The following CACNA1A variants were observed in gnomAD, a reference collection of about 807,000 sequenced individuals.
The protein encoded by CACNA1A is voltage-dependent P/Q-type calcium channel subunit alpha-1A.
Under a neutral mutation model 262.4 loss-of-function variants are expected in CACNA1A, and 57 were observed. That is an observed-to-expected ratio of 0.22 (90% confidence interval 0.18 to 0.27). The LOEUF (loss-of-function observed/expected upper bound fraction) is 0.27, where lower values mean the gene tolerates loss of function less well. CACNA1A is among the 10% of genes least tolerant of loss of function. CACNA1A has a pLI of 1.00. For missense variants in CACNA1A, 2,526 were observed against 3,562.8 expected (o/e 0.71, Z 7.41); for synonymous variants, 1,431 against 1,419.3 (o/e 1.01, Z -0.18).
intron 30 of CACNA1A, among the ~76,000 whole-genome samples, chr19:13,246,408 G>A (rs1329957167): frequency 6.6e-6 from 1 of 152,152 alleles, no homozygotes; most frequent in African/African-American, 2.4e-5. Flanking sequence ...TGGGCTTGGC[G>A]ACCAGTAACA....
At chr19:13,436,106 T>C (rs1439221923) in intron 3 of CACNA1A, among the ~76,000 whole-genome samples, 1 of 152,194 alleles carries the variant, frequency 6.6e-6, no homozygotes, top group Non-Finnish European at 1.5e-5. Context: ...ATTACAGGTG[T>C]GAGCCACCGT....
In CACNA1A at chr19:13,207,522, G is replaced by A. The variant is rs1301033376; in HGVS notation, c.7312C>T (p.Pro2438Ser). 2.1e-6 allele frequency: 3 copies of A among 1,436,484 alleles called. No homozygotes were observed. Among genetic ancestry groups the A allele is most frequent in the Non-Finnish European group, 2.7e-6 (3 of 1,097,058 alleles). The allele number at this position is 1,436,484 out of a possible 1,614,324, so 89.0% of individuals were successfully genotyped here. Residue 2438 changes from proline to serine, a missense_variant, in exon 47 of 47, where the codon CCC becomes TCC. Physicochemically the swap from Pro to Ser is moderately conservative, Grantham distance 74. Around this residue, in one of 17 missense-constraint regions of CACNA1A, gnomAD observed 929 missense variants for 868.1 expected, o/e 1.07. Coordinates refer to ENST00000360228, the MANE Select transcript of CACNA1A (RefSeq NM_001127222.2). This position sits in a 1 kb window ranked among gnomAD's most constrained non-coding sequence, Gnocchi z 5.7. ...EAMAGAYDAPPPVRHASSGAT... is the reference protein window; with the variant it reads ...EAMAGAYDAPSPVRHASSGAT... Reference sequence around the variant, plus strand: ...CCCGAGGACGCGTGTCGTACGGGGGGTGGCGCGTCGTAGGCCCCGGCCATG... The same window carrying A: ...CCCGAGGACGCGTGTCGTACGGGGGATGGCGCGTCGTAGGCCCCGGCCATG...
chr19:13,315,020 C>T (rs2058098063), intron 11 of CACNA1A, among the ~76,000 whole-genome samples: 1 of 152,012 alleles, frequency 6.6e-6, no homozygotes, highest in South Asian at 2.1e-4. Flanking sequence ...ATGCACAAGA[C>T]TTGAAAGAAT....
chr19:13,216,080 G>A (rs1368235005), intron 38 of CACNA1A, among the ~76,000 whole-genome samples: 1 of 152,080 alleles, frequency 6.6e-6, no homozygotes, highest in Non-Finnish European at 1.5e-5. Flanking sequence ...CACTGTGCGT[G>A]GCTCAGAGGA....
At chr19:13,257,185 C>G (rs905035465) in intron 28 of CACNA1A, 165 bp downstream of exon 28, 16 of 598,428 alleles carry the variant, frequency 2.7e-5, no homozygotes, top group Non-Finnish European at 4.5e-5. Context: ...TGTGTTTCCT[C>G]TGGAAACTCC....
chr19:13,303,920 C>T (rs202110625), intron 15 of CACNA1A, 36 bp from the exon 16 acceptor site: 2 of 1,440,312 alleles, frequency 1.4e-6, no homozygotes, highest in Non-Finnish European at 1.9e-6. Context: ...GCCAACCCCC[C>T]TCTCAGCCAC....
At chr19:13,299,770 C>T (rs915340539) in intron 18 of CACNA1A, among the ~76,000 whole-genome samples, 2 of 152,194 alleles carry the variant, frequency 1.3e-5, no homozygotes, top group African/African-American at 2.4e-5. Flanking sequence ...TCCCTCACCT[C>T]CTTCAGGCCA....
chr19:13,303,912 C>T, intron 15 of CACNA1A, 28 bp from the exon 16 acceptor site: 2 of 1,496,704 alleles, frequency 1.3e-6, no homozygotes, highest in Non-Finnish European at 1.9e-6. Context: ...AACACACAGC[C>T]AACCCCCCTC....
At chr19:13,224,944 C>T (rs924879092) in intron 37 of CACNA1A, 172 bp from the exon 38 acceptor site, 21 of 556,366 alleles carry the variant, frequency 3.8e-5, no homozygotes, top group Non-Finnish European at 6.1e-5. Context: ...CTTGGTGGCC[C>T]GCAGGGAGGG....
Position 13,287,706 on chromosome 19 carries a change from T to C in CACNA1A, c.3090-740A>G, listed in dbSNP as rs2057436581. Among the ~76,000 whole-genome samples, 4 of 152,020 alleles carry C rather than the reference T, an allele frequency of 2.6e-5. 1 individual carries two copies. Among genetic ancestry groups the C allele is most frequent in the South Asian group, 4.1e-4 (2 of 4,828 alleles). ...CAGTAGAGATGGGGTTTCACCATTT[T>C]GGCCAGGCTGGTCTCGAATTCCTGA... On this transcript the variant is annotated intron_variant, in intron 19 of 46. Transcript: ENST00000360228.
intron 10 of CACNA1A, among the ~76,000 whole-genome samples, chr19:13,319,317 A>G (rs1568530325): frequency 6.6e-6 from 1 of 152,074 alleles, no homozygotes; most frequent in Non-Finnish European, 1.5e-5. Flanking sequence ...TTATTCATTC[A>G]TTCTTTCATC....
In CACNA1A at chr19:13,285,148, C is replaced by T. The variant is rs749273165; in HGVS notation, c.3612G>A (p.Glu1204=). Residue 1204 remains glutamate (E), a synonymous_variant, in exon 21 of 47, where the codon GAG becomes GAA. Transcript: ENST00000360228. The part of the protein sequence containing the change: ...LPKKEEEKKE[E]EEDDRGEDGP... Reference sequence around the variant, plus strand: ...CGTCTTCCCCACGGTCGTCTTCCTCCTCCTCCTTCTTCTCTTCCTCTTTTT... The same window carrying T: ...CGTCTTCCCCACGGTCGTCTTCCTCTTCCTCCTTCTTCTCTTCCTCTTTTT... 11 of 1,613,814 alleles carry T rather than the reference C, an allele frequency of 6.8e-6. No individual in the cohort carries two copies. The African/African-American group carries it at 1.2e-4, about 18-fold the overall frequency.
At chr19:13,345,997 T>A (rs1349980728) in intron 6 of CACNA1A, among the ~76,000 whole-genome samples, 11 of 145,066 alleles carry the variant, frequency 7.6e-5, no homozygotes, top group African/African-American at 2.8e-4. Flanking sequence ...ATCTCCTGGG[T>A]TCAAGCGATT....
intron 3 of CACNA1A, among the ~76,000 whole-genome samples, chr19:13,376,590 G>A (rs185654639): frequency 2.0e-5 from 3 of 147,522 alleles, no homozygotes; most frequent in African/African-American, 7.4e-5. Flanking sequence ...TAACATATGA[G>A]ATATATAACA....
chr19:13,391,733 CAAAAATGA>C (rs537442783), intron 3 of CACNA1A, among the ~76,000 whole-genome samples: 37 of 151,914 alleles, frequency 2.4e-4, no homozygotes, highest in African/African-American at 8.2e-4. Context: ...CTGTCTTTAC[CAAAAATGA>C]AGAAATTAGC....
intron 3 of CACNA1A, among the ~76,000 whole-genome samples, chr19:13,392,155 G>A (rs889038622): frequency 6.6e-6 from 1 of 152,012 alleles, no homozygotes; most frequent in African/African-American, 2.4e-5. Flanking sequence ...AGGCTACAGT[G>A]AGCTGTGTTT....
chr19:13,413,234 G>A (rs947207134), intron 3 of CACNA1A, among the ~76,000 whole-genome samples: 2 of 151,686 alleles, frequency 1.3e-5, no homozygotes, highest in Non-Finnish European at 2.9e-5. Context: ...AGCCTCCCGA[G>A]TAGCTGGGAC....
At position 13,207,319 on chromosome 19, in the gene CACNA1A, C is replaced by CCAAT. The variant is rs1435497002; in HGVS notation, c.7511_7514dup (p.Trp2505Ter). ...GGCGCCACCTCGCCCGGGCTTAGCA[C>CCAAT]CAATCATCGTCACTCTCGCTGTAGG... On this transcript the variant is annotated stop_gained and frameshift_variant, in exon 47 of 47. Coordinates refer to ENST00000360228, the MANE Select transcript of CACNA1A (RefSeq NM_001127222.2). LOFTEE classifies it high-confidence loss of function. The surrounding 1 kb of genome is among the most constrained non-coding windows in gnomAD (Gnocchi z 5.7). 1.3e-6 allele frequency: 2 copies of CCAAT among 1,558,570 alleles called. No individual in the cohort carries two copies. Among genetic ancestry groups the CCAAT allele is most frequent in the South Asian group, 2.3e-5 (2 of 86,808 alleles).
At chr19:13,429,497 T>C (rs2060466672) in intron 3 of CACNA1A, among the ~76,000 whole-genome samples, 1 of 138,770 alleles carries the variant, frequency 7.2e-6, no homozygotes, top group Admixed American at 7.8e-5. Context: ...CCCCTCACTG[T>C]GCCCCTCACT....
Sources: allele counts gnomAD v4.1 joint callset (sites outside exome capture counted in the v4.1 genomes callset), GRCh38; gene constraint gnomAD v4.1.1; regional missense constraint gnomAD v4.1.1; non-coding constraint Gnocchi (gnomAD v3.1); transcripts MANE v1.5; gene names NCBI Gene and HGNC (gene_info 2026-07-23, HGNC 2026-07-21).